The following PDS5B variants were observed in gnomAD, a reference collection of about 807,000 sequenced individuals.
The protein encoded by PDS5B is PDS5 cohesin associated factor B, also known as sister chromatid cohesion protein PDS5 homolog B.
PDS5B carries 51 observed loss-of-function variants against 184.1 expected under a neutral mutation model. The ratio of observed to expected loss-of-function variants is 0.28; its 90% CI spans 0.22 to 0.35. The LOEUF is 0.35. PDS5B is among the 10% of genes least tolerant of loss of function. The pLI is 1.00. For missense variants in PDS5B, 1,180 were observed against 1,723.3 expected, an observed-to-expected ratio of 0.68 and a Z score of 5.58; for synonymous variants, 566 against 569.2, an observed-to-expected ratio of 0.99 and a Z score of 0.08.
At chr13:32,648,305 T>G (rs1301023099) in intron 1 of PDS5B, among the ~76,000 whole-genome samples, 1 of 152,192 alleles carries the variant, frequency 6.6e-6, no homozygotes. Context: ...CCCCTTGCCC[T>G]ATAAGACCAT....
rs368293336 is a variant in PDS5B, at chr13:32,699,766, T to C, written c.1637T>C (p.Met546Thr). ...LPDPGKAQDFMKKFTQVLEDD... is the reference protein window; with the variant it reads ...LPDPGKAQDFTKKFTQVLEDD... ...GATCCTGGTAAGGCTCAGGATTTCA[T>C]GAAGAAATTCACACAGGTGTTAGAA... The change falls in exon 16 of 35, where the codon ATG (methionine) becomes ACG (threonine). Residue 546 changes from methionine (M) to threonine (T), a missense_variant. By Grantham distance (81) the Met-to-Thr change is moderately conservative. Coordinates refer to ENST00000315596, the MANE Select transcript of PDS5B (RefSeq NM_015032.4). 3 of 1,561,796 alleles carry C rather than the reference T, an allele frequency of 1.9e-6. No homozygotes were observed. Among genetic ancestry groups the C allele is most frequent in the African/African-American group, 1.4e-5 (1 of 72,158 alleles).
intron 24 of PDS5B, among the ~76,000 whole-genome samples, chr13:32,751,419 T>C (rs1566409450): frequency 6.6e-6 from 1 of 152,248 alleles, no homozygotes; most frequent in Non-Finnish European, 1.5e-5. Context: ...TTTTCAGTTC[T>C]TTGAGAAATC....
intron 31 of PDS5B, among the ~76,000 whole-genome samples, chr13:32,768,668 C>G (rs924892596): frequency 1.3e-5 from 2 of 151,734 alleles, no homozygotes; most frequent in African/African-American, 2.4e-5. Context: ...TGGCACATGC[C>G]TCTAGTCCCA....
At chr13:32,722,248 G>C (rs955615140) in intron 19 of PDS5B, among the ~76,000 whole-genome samples, 16 of 152,222 alleles carry the variant, frequency 1.1e-4, no homozygotes, top group African/African-American at 3.6e-4. Flanking sequence ...CCCAGGCACT[G>C]GGCAGGCTGA....
Position 32,687,137 on chromosome 13 carries a change from A to C in PDS5B, c.1207A>C (p.Arg403=). The C allele has an allele frequency of 6.3e-7, 1 of 1,591,572 alleles. No individual in the cohort carries two copies. Among genetic ancestry groups the C allele is most frequent in the Non-Finnish European group, 8.5e-7 (1 of 1,173,328 alleles). ...AATAAAACTTTTTGTTTTTAAGTGGAGAGTACGCAAAGAAGCCATGATGGG... is the reference window on the plus strand; with the variant it reads ...AATAAAACTTTTTGTTTTTAAGTGGCGAGTACGCAAAGAAGCCATGATGGG... ...VRERTLDKRW[R]VRKEAMMGLA... is the part of the protein sequence containing the mutation. Residue 403 remains arginine, a synonymous_variant, in exon 12 of 35, where the codon AGA becomes CGA. Coordinates refer to ENST00000315596, the MANE Select transcript of PDS5B (RefSeq NM_015032.4).
intron 3 of PDS5B, among the ~76,000 whole-genome samples, chr13:32,653,820 C>T (rs865824768): frequency 6.6e-5 from 10 of 152,148 alleles, no homozygotes; most frequent in Non-Finnish European, 1.3e-4. Flanking sequence ...CTGTGGCTCT[C>T]CCGTACTAGA....
At chr13:32,681,747 A>G (rs1318816202) in intron 10 of PDS5B, among the ~76,000 whole-genome samples, 1 of 152,030 alleles carries the variant, frequency 6.6e-6, no homozygotes. Context: ...ATTCCTGACT[A>G]GCAGGATCAT....
At chr13:32,649,201 A>G (rs1316520865) in intron 2 of PDS5B, 4 of 199,486 alleles carry the variant, frequency 2.0e-5, no homozygotes, top group South Asian at 9.7e-5. Flanking sequence ...TCTAAAGACA[A>G]CCACTTTAAG....
chr13:32,770,098 T>TTTA, intron 31 of PDS5B, 23 bp from the exon 32 acceptor site: 1 of 1,544,116 alleles, frequency 6.5e-7, no homozygotes, highest in Non-Finnish European at 8.7e-7. Flanking sequence ...TAACCATAAA[T>TTTA]TGTGATTTTT....
intron 23 of PDS5B, 79 bp downstream of exon 23, chr13:32,742,806 C>G (rs949626708): frequency 1.6e-6 from 2 of 1,254,292 alleles, no homozygotes; most frequent in South Asian, 2.7e-5. Context: ...GGTGCTGTTT[C>G]TTTTTCTTTT....
chr13:32,735,019 T>C (rs761147924), intron 20 of PDS5B, among the ~76,000 whole-genome samples, 153 bp from the exon 21 acceptor site: 1 of 152,220 alleles, frequency 6.6e-6, no homozygotes, highest in Non-Finnish European at 1.5e-5. Flanking sequence ...TTACTACTTA[T>C]ACTATGTATA....
chr13:32,726,933 A>G (rs1046593277), intron 19 of PDS5B, among the ~76,000 whole-genome samples: 3 of 152,044 alleles, frequency 2.0e-5, no homozygotes, highest in Non-Finnish European at 2.9e-5. Context: ...TTATTTATTT[A>G]TTTATTTTTA....
intron 30 of PDS5B, among the ~76,000 whole-genome samples, chr13:32,761,403 A>G (rs1418111330): frequency 6.6e-6 from 1 of 152,096 alleles, no homozygotes; most frequent in African/African-American, 2.4e-5. Context: ...GGTTTGTTAC[A>G]TGGGTATATT....
chr13:32,697,426 A>C (rs891600629), intron 15 of PDS5B, among the ~76,000 whole-genome samples: 1 of 152,232 alleles, frequency 6.6e-6, no homozygotes, highest in Non-Finnish European at 1.5e-5. Flanking sequence ...AGGGATAATC[A>C]GAAACACCTG....
intron 24 of PDS5B, 45 bp from the exon 25 acceptor site, chr13:32,753,287 T>C: frequency 6.6e-7 from 1 of 1,505,476 alleles, no homozygotes; most frequent in South Asian, 1.1e-5. Flanking sequence ...GTTGTTACTC[T>C]TTGCTGCCAT....
Position 32,758,612 on chromosome 13 carries a change from G to C in PDS5B, c.3268G>C (p.Asp1090His), listed in dbSNP as rs942804283. Residue 1090 changes from aspartate to histidine, a missense_variant, in exon 28 of 35, where the codon GAC becomes CAC. Asp to His is a moderately conservative substitution (Grantham distance 81, BLOSUM62 -1). Coordinates refer to ENST00000315596, the MANE Select transcript of PDS5B (RefSeq NM_015032.4). ...TACATACAGTTTGGAATCTCCTAAA[G>C]ACCCGGTACTACCAGCTCGTTTCTT... ...STTYSLESPK[D>H]PVLPARFFTQ... 2.5e-6 allele frequency: 4 copies of C among 1,613,328 alleles called. No individual in the cohort carries two copies. Among genetic ancestry groups the C allele is most frequent in the African/African-American group, 1.3e-5 (1 of 74,914 alleles).
intron 1 of PDS5B, among the ~76,000 whole-genome samples, chr13:32,635,034 G>A (rs1246345853): frequency 7.7e-5 from 11 of 142,988 alleles, no homozygotes; most frequent in Middle Eastern, 3.8e-3. Flanking sequence ...AAGAGGCCGG[G>A]CCTTACTCTT....
chr13:32,746,865 G>A (rs1190569943), intron 24 of PDS5B, among the ~76,000 whole-genome samples: 1 of 152,142 alleles, frequency 6.6e-6, no homozygotes, highest in African/African-American at 2.4e-5. Context: ...ATTGCTTCAA[G>A]TATTAATTTT....
Position 32,706,976 on chromosome 13 carries a change from A to AGAT in PDS5B, c.1905_1907dup (p.Asp635dup), listed in dbSNP as rs1325228628. 6.2e-7 allele frequency: 1 copy of AGAT among 1,612,514 alleles called. No homozygotes were observed. The highest frequency in any genetic ancestry group is 8.5e-7 in the Non-Finnish European group (1 of 1,179,220). On this transcript the variant is annotated inframe_insertion, in exon 18 of 35. Transcript: ENST00000315596. ...TGAACAAATCAATAGATGGAACAGC[A>AGAT]GATGATGAAGATGAGGGTGTTCCAA... is the stretch of plus-strand genomic sequence containing the variant.
Sources: gnomAD v4.1 joint callset for allele counts (sites outside exome capture counted in the v4.1 genomes callset) on GRCh38, gnomAD v4.1.1 for gene constraint, MANE v1.5 for transcripts, NCBI Gene and HGNC (gene_info 2026-07-23, HGNC 2026-07-21) for gene names.